The following ELAVL4 variants were observed in gnomAD, a reference collection of about 807,000 sequenced individuals.
The protein encoded by ELAVL4 is ELAV like RNA binding protein 4, also known as ELAV-like protein 4.
In ELAVL4, 1 loss-of-function variant was observed where a neutral mutation model predicts 35.6. That is an observed-to-expected ratio of 0.03 (90% CI 0.01 to 0.13). The LOEUF (loss-of-function observed/expected upper bound fraction) is 0.13. Among genes scored for constraint, ELAVL4 ranks in the 10% least tolerant of loss-of-function variants. The pLI, the probability that ELAVL4 is intolerant of heterozygous loss-of-function variation, is 1.00. For missense variants in ELAVL4, 267 were observed against 464.9 expected (o/e 0.57, Z 3.91); for synonymous variants, 156 against 171.0 (o/e 0.91, Z 0.69).
intron 1 of ELAVL4, among the ~76,000 whole-genome samples, chr1:50,072,485 G>A (rs999768898): frequency 6.6e-6 from 1 of 152,140 alleles, no homozygotes; most frequent in African/African-American, 2.4e-5. Context: ...CAGATACCAA[G>A]ACACATCAGA....
chr1:50,078,774 C>A (rs1036305225), intron 1 of ELAVL4, among the ~76,000 whole-genome samples: 2 of 152,186 alleles, frequency 1.3e-5, no homozygotes, highest in Non-Finnish European at 2.9e-5. Flanking sequence ...CTTCTGTGCT[C>A]TCCCTGTGCA....
In ELAVL4 at chr1:50,109,069, T is replaced by A. The variant is rs1666633864; in HGVS notation, c.-121T>A. 1.1e-5 allele frequency: 11 copies of A among 982,150 alleles called. No homozygotes were observed. The highest frequency in any genetic ancestry group is 1.4e-5 in the Non-Finnish European group (11 of 814,478). The allele number at this position is 982,150 out of a possible 1,614,324, so 60.8% of individuals were successfully genotyped here. Reference sequence around the variant, plus strand: ...ATTTGCTTTACAATCATCCACACTGTGTTTTGTGGATCTTTAATTATATAT... The same window carrying A: ...ATTTGCTTTACAATCATCCACACTGAGTTTTGTGGATCTTTAATTATATAT... On this transcript the variant is annotated 5_prime_UTR_variant, in exon 1 of 7. Coordinates refer to ENST00000371824, the MANE Select transcript of ELAVL4 (RefSeq NM_001144774.3).
At chr1:50,135,304 G>A (rs889480046) in intron 1 of ELAVL4, among the ~76,000 whole-genome samples, 4 of 152,092 alleles carry the variant, frequency 2.6e-5, no homozygotes, top group African/African-American at 9.7e-5. Context: ...AAATAAACAA[G>A]TCATTTGTTT....
intron 1 of ELAVL4, among the ~76,000 whole-genome samples, chr1:50,137,441 A>AGGT (rs1387956912): frequency 6.6e-6 from 1 of 151,898 alleles, no homozygotes; most frequent in Non-Finnish European, 1.5e-5. Flanking sequence ...CAGGAGGTTG[A>AGGT]GGTGGGAGGA....
At chr1:50,118,652 A>G (rs542515758) in intron 1 of ELAVL4, among the ~76,000 whole-genome samples, 18 of 152,134 alleles carry the variant, frequency 1.2e-4, no homozygotes, top group Non-Finnish European at 1.6e-4. Flanking sequence ...GAAGGGGGAA[A>G]TAAATAAATA....
At chr1:50,170,487 AG>A (rs1473263429) in intron 2 of ELAVL4, among the ~76,000 whole-genome samples, 21 of 152,230 alleles carry the variant, frequency 1.4e-4, no homozygotes, top group African/African-American at 5.1e-4. Context: ...AGAGTCACAC[AG>A]CAGTAAATTG....
Position 50,108,985 on chromosome 1 carries a change from T to G in ELAVL4, c.-205T>G. 1 of 1,278,302 alleles carries G rather than the reference T, an allele frequency of 7.8e-7. No homozygotes were observed. The highest frequency in any genetic ancestry group is 2.2e-5 in the South Asian group (1 of 44,994). 79.2% of individuals were successfully genotyped at this position (1,278,302 alleles called of 1,614,324 possible). ...ACATCCTAGAATCGGGGGTTTCAGCTCACTGCTCCTTTTCTTTTTTTTCTT... is the reference window on the plus strand; with the variant it reads ...ACATCCTAGAATCGGGGGTTTCAGCGCACTGCTCCTTTTCTTTTTTTTCTT... On this transcript the variant is annotated 5_prime_UTR_variant, in exon 1 of 7. Transcript: ENST00000371824.
chr1:50,118,419 G>T (rs1668317971), intron 1 of ELAVL4, among the ~76,000 whole-genome samples: 1 of 151,826 alleles, frequency 6.6e-6, no homozygotes, highest in African/African-American at 2.4e-5. Flanking sequence ...CTCTAGAAGT[G>T]ATCAGATTGA....
intron 1 of ELAVL4, among the ~76,000 whole-genome samples, chr1:50,125,131 C>G (rs1669681121): frequency 6.6e-6 from 1 of 151,716 alleles, no homozygotes; most frequent in Admixed American, 6.6e-5. Flanking sequence ...CCTAGCTACC[C>G]AGGAGGCTGA....
upstream of ELAVL4, among the ~76,000 whole-genome samples, chr1:50,100,586 A>G (rs1335185416): frequency 1.3e-5 from 2 of 152,164 alleles, no homozygotes; most frequent in African/African-American, 4.8e-5. Flanking sequence ...ACTATCTCTA[A>G]CACTTAATTT....
chr1:50,129,274 G>T (rs6588375), intron 1 of ELAVL4, among the ~76,000 whole-genome samples: 1 of 151,656 alleles, frequency 6.6e-6, no homozygotes, highest in Non-Finnish European at 1.5e-5. Context: ...CTGCTTATTG[G>T]GGTATACAGT....
At chr1:50,097,984 T>C (rs1452184182) in intron 1 of ELAVL4, among the ~76,000 whole-genome samples, 1 of 152,178 alleles carries the variant, frequency 6.6e-6, no homozygotes, top group Non-Finnish European at 1.5e-5. Flanking sequence ...TGTGAAACCT[T>C]GAAGATGATG....
At chr1:50,166,740 T>G (rs1336583316) in intron 2 of ELAVL4, among the ~76,000 whole-genome samples, 2 of 152,210 alleles carry the variant, frequency 1.3e-5, no homozygotes, top group African/African-American at 4.8e-5. Context: ...CTGTATTCCA[T>G]GTATATTCTT....
At chr1:50,084,203 T>C (rs1191513745) in intron 1 of ELAVL4, among the ~76,000 whole-genome samples, 3 of 152,214 alleles carry the variant, frequency 2.0e-5, no homozygotes, top group Non-Finnish European at 4.4e-5. Context: ...ATGATCTTCT[T>C]ACCCAAGAGT....
intron 2 of ELAVL4, among the ~76,000 whole-genome samples, chr1:50,173,640 C>T (rs1163775989): frequency 6.6e-6 from 1 of 152,144 alleles, no homozygotes; most frequent in African/African-American, 2.4e-5. Context: ...TTTCATATCT[C>T]ATTTTTTAAT....
intron 1 of ELAVL4, among the ~76,000 whole-genome samples, chr1:50,067,978 C>T (rs1664342516): frequency 6.6e-6 from 1 of 152,174 alleles, no homozygotes; most frequent in South Asian, 2.1e-4. Context: ...ATTCAGTTAC[C>T]TCCCACCGGG....
chr1:50,070,476 C>G (rs923704555), intron 1 of ELAVL4, among the ~76,000 whole-genome samples: 1 of 152,214 alleles, frequency 6.6e-6, no homozygotes, highest in Non-Finnish European at 1.5e-5. Context: ...GGCGCAGTGG[C>G]TCATGCCTGT....
chr1:50,165,192 C>A (rs1243782892), intron 2 of ELAVL4, among the ~76,000 whole-genome samples: 1 of 152,136 alleles, frequency 6.6e-6, no homozygotes, highest in Non-Finnish European at 1.5e-5. Flanking sequence ...ATTGCCCTCA[C>A]ATTCACTTGT....
At chr1:50,135,483 ATTAT>A (rs1671736124) in intron 1 of ELAVL4, among the ~76,000 whole-genome samples, 1 of 152,104 alleles carries the variant, frequency 6.6e-6, no homozygotes, top group Admixed American at 6.6e-5. Flanking sequence ...ATTTTAATGA[ATTAT>A]TTGTTTGCCT....
Sources: gnomAD v4.1 joint callset for allele counts (sites outside exome capture counted in the v4.1 genomes callset) on GRCh38, gnomAD v4.1.1 for gene constraint, MANE v1.5 for transcripts, NCBI Gene and HGNC (gene_info 2026-07-23, HGNC 2026-07-21) for gene names.